Variants in PCDH15 observed in about 807,000 individuals in gnomAD.
PCDH15 encodes the protein protocadherin related 15, also known as protocadherin-15.
PCDH15 carries 129 observed loss-of-function variants against 178.5 expected under a neutral mutation model. The observed-to-expected ratio is 0.72, with a 90% CI of 0.63 to 0.84. PCDH15 has a LOEUF of 0.84. Ranked by LOEUF, PCDH15 falls within the 40% of genes least tolerant of loss-of-function variation. The pLI, the probability that PCDH15 is intolerant of heterozygous loss-of-function variation, is 0.00. For missense variants in PCDH15, 2,230 were observed against 2,099.9 expected, an observed-to-expected ratio of 1.06 and a Z score of -1.21; for synonymous variants, 800 against 732.0, an observed-to-expected ratio of 1.09 and a Z score of -1.50.
intron 23 of PCDH15, among the ~76,000 whole-genome samples, chr10:53,947,603 A>G (rs538941755): frequency 5.9e-5 from 9 of 152,262 alleles, no homozygotes; most frequent in African/African-American, 1.9e-4. Flanking sequence ...TCTTGGAGTA[A>G]TTGCATCAGA....
intron 2 of PCDH15, among the ~76,000 whole-genome samples, chr10:54,529,238 G>C (rs1007123506): frequency 6.6e-6 from 1 of 152,004 alleles, no homozygotes; most frequent in South Asian, 2.1e-4. Flanking sequence ...CAATATTGAA[G>C]GAGTTCCAAG....
intron 1 of PCDH15, among the ~76,000 whole-genome samples, chr10:55,284,226 A>G (rs1842809341): frequency 6.6e-6 from 1 of 152,098 alleles, no homozygotes; most frequent in African/African-American, 2.4e-5. Flanking sequence ...GTCTTCAGAG[A>G]ATGCTTCTAA....
chr10:53,958,423 T>C (rs573851771), intron 23 of PCDH15, among the ~76,000 whole-genome samples: 2 of 152,198 alleles, frequency 1.3e-5, no homozygotes, highest in Non-Finnish European at 2.9e-5. Flanking sequence ...GTTAATCATG[T>C]TCAAATATAG....
chr10:54,706,220 T>A (rs1185872429), intron 1 of PCDH15, among the ~76,000 whole-genome samples: 1 of 152,190 alleles, frequency 6.6e-6, no homozygotes, highest in Non-Finnish European at 1.5e-5. Flanking sequence ...GGCTGAAATA[T>A]GTACATTTAA....
chr10:55,184,364 T>G (rs1023949234), intron 1 of PCDH15, among the ~76,000 whole-genome samples: 13 of 152,016 alleles, frequency 8.6e-5, no homozygotes, highest in African/African-American at 3.1e-4. Context: ...ATTTATTGTT[T>G]GGTGAAAATC....
At chr10:54,373,004 G>T (rs978656664) in intron 4 of PCDH15, among the ~76,000 whole-genome samples, 4 of 151,636 alleles carry the variant, frequency 2.6e-5, no homozygotes, top group African/African-American at 7.3e-5. Context: ...TAAAAATTTT[G>T]TAACTCTGAA....
At chr10:54,936,079 T>C (rs1477161083) in intron 2 of PCDH15, among the ~76,000 whole-genome samples, 2 of 152,098 alleles carry the variant, frequency 1.3e-5, no homozygotes, top group Non-Finnish European at 2.9e-5. Flanking sequence ...CAACCACAGA[T>C]TGACTTTGGG....
chr10:54,387,987 G>A (rs1455057146), intron 3 of PCDH15, among the ~76,000 whole-genome samples: 1 of 152,162 alleles, frequency 6.6e-6, no homozygotes, highest in African/African-American at 2.4e-5. Flanking sequence ...GTAATGGGGA[G>A]TTATTGATTA....
At chr10:53,810,534 A>C (rs1396381581) in intron 37 of PCDH15, 22 bp downstream of exon 37, 2 of 1,591,662 alleles carry the variant, frequency 1.3e-6, no homozygotes, top group Non-Finnish European at 1.7e-6. Context: ...ATTATCTTAC[A>C]TAATAAAATT....
intron 27 of PCDH15, among the ~76,000 whole-genome samples, chr10:53,865,814 C>T (rs755077844): frequency 2.0e-5 from 3 of 151,818 alleles, no homozygotes; most frequent in Non-Finnish European, 4.4e-5. Context: ...AGAAGAACTG[C>T]GAAAAAATGA....
At chr10:54,594,470 C>T (rs2092089346) in intron 2 of PCDH15, among the ~76,000 whole-genome samples, 1 of 151,924 alleles carries the variant, frequency 6.6e-6, no homozygotes, top group Non-Finnish European at 1.5e-5. Flanking sequence ...TAGCAGTGTA[C>T]CCCCCCAGGC....
At chr10:54,864,157 C>T (rs1591750591) in intron 3 of PCDH15, among the ~76,000 whole-genome samples, 1 of 152,104 alleles carries the variant, frequency 6.6e-6, no homozygotes, top group African/African-American at 2.4e-5. Flanking sequence ...TATTTTCATA[C>T]ACTTGACATC....
At chr10:55,170,152 G>A (rs1272913465) in intron 1 of PCDH15, among the ~76,000 whole-genome samples, 1 of 151,862 alleles carries the variant, frequency 6.6e-6, no homozygotes, top group African/African-American at 2.4e-5. Context: ...TGTTTTATTT[G>A]TTTTGCTTTT....
chr10:53,809,661 T>A (rs1266536303), intron 37 of PCDH15: 13 of 967,306 alleles, frequency 1.3e-5, no homozygotes, highest in Non-Finnish European at 1.9e-5. Context: ...ATGCATGTTA[T>A]ATAACTGGCT....
chr10:54,545,790 A>G (rs557874329), intron 2 of PCDH15, among the ~76,000 whole-genome samples: 3 of 152,338 alleles, frequency 2.0e-5, no homozygotes, highest in African/African-American at 7.2e-5. Flanking sequence ...TGTGACAGAT[A>G]CTGTATATTG....
chr10:53,847,728 T>C (rs1049001204), intron 28 of PCDH15, among the ~76,000 whole-genome samples: 1 of 152,112 alleles, frequency 6.6e-6, no homozygotes, highest in Non-Finnish European at 1.5e-5. Flanking sequence ...GACTACTCTA[T>C]ATGGACTATA....
intron 2 of PCDH15, among the ~76,000 whole-genome samples, chr10:55,126,398 A>T (rs1837901470): frequency 6.6e-6 from 1 of 152,176 alleles, no homozygotes; most frequent in Non-Finnish European, 1.5e-5. Flanking sequence ...CAATGAATCC[A>T]ACTGTCTAAA....
At chr10:54,893,513 G>T (rs1954498965) in intron 3 of PCDH15, among the ~76,000 whole-genome samples, 1 of 152,016 alleles carries the variant, frequency 6.6e-6, no homozygotes, top group African/African-American at 2.4e-5. Flanking sequence ...AAAGTAAATT[G>T]TCCTTGAGCA....
intron 1 of PCDH15, among the ~76,000 whole-genome samples, chr10:54,771,565 T>C (rs1949098020): frequency 6.6e-6 from 1 of 152,080 alleles, no homozygotes; most frequent in African/African-American, 2.4e-5. Context: ...ATCATTAGGC[T>C]TGAATTGGTT....
Sources: gnomAD v4.1 joint callset for allele counts (sites outside exome capture counted in the v4.1 genomes callset) on GRCh38, gnomAD v4.1.1 for gene constraint, MANE v1.5 for transcripts, NCBI Gene and HGNC (gene_info 2026-07-23, HGNC 2026-07-21) for gene names.